NEMP2: variants seen among roughly 807,000 people sequenced by gnomAD.
NEMP2 encodes the protein UPF0571 transmembrane protein.
NEMP2 carries 53 observed loss-of-function variants against 54.2 expected under a neutral mutation model. The observed-to-expected ratio is 0.98, with a 90% CI of 0.78 to 1.23. The LOEUF (loss-of-function observed/expected upper bound fraction) is 1.23. NEMP2 is among the 50% of genes most tolerant of loss of function. The pLI, the probability that NEMP2 is intolerant of heterozygous loss-of-function variation, is 0.00. For missense variants in NEMP2, 455 were observed against 511.3 expected (o/e 0.89, Z 1.06); for synonymous variants, 197 against 190.3 (o/e 1.04, Z -0.29).
At chr2:190,582,177 A>C in the NEMP2 span, among the ~76,000 whole-genome samples, 1 of 152,188 alleles carries the variant, frequency 6.6e-6, no homozygotes, top group Non-Finnish European at 1.5e-5. This position sits in a 1 kb window ranked among gnomAD's most constrained non-coding sequence, Gnocchi z 4.6. Flanking sequence ...CCTCTGTTCT[A>C]CTTAGTCACT....
chr2:190,495,321 A>G, the NEMP2 span, among the ~76,000 whole-genome samples: 1 of 152,210 alleles, frequency 6.6e-6, no homozygotes, highest in Non-Finnish European at 1.5e-5. This position sits in a 1 kb window ranked among gnomAD's most constrained non-coding sequence, Gnocchi z 4.7. Flanking sequence ...AAGGAAAACT[A>G]CAAAACACTG....
intron 2 of NEMP2, among the ~76,000 whole-genome samples, chr2:190,524,159 G>A (rs1690850269): frequency 6.6e-6 from 1 of 152,062 alleles, no homozygotes; most frequent in South Asian, 2.1e-4. Flanking sequence ...TGAGGCTGCA[G>A]TGAACCAAGA....
chr2:190,573,429 T>C, the NEMP2 span, among the ~76,000 whole-genome samples: 131 of 152,276 alleles, frequency 8.6e-4, no homozygotes, highest in African/African-American at 3.0e-3. Context: ...GGTATATGTT[T>C]TAAAAGTCTG....
At chr2:190,574,761 T>TCCTTCCCTCCCTTCCCTCCTTCCCTC in the NEMP2 span, among the ~76,000 whole-genome samples, 1 of 140,516 alleles carries the variant, frequency 7.1e-6, no homozygotes, top group African/African-American at 2.7e-5. Context: ...TCTATTTCCT[T>TCCTTCCCTCCCTTCCCTCCTTCCCTC]CCTTCCCTCC....
the NEMP2 span, among the ~76,000 whole-genome samples, chr2:190,546,216 AT>A: frequency 2.1e-4 from 31 of 150,798 alleles, no homozygotes; most frequent in South Asian, 2.1e-4. This position sits in a 1 kb window ranked among gnomAD's most constrained non-coding sequence, Gnocchi z 5.1. Flanking sequence ...CAGACAGAAA[AT>A]TTTTTTTTTT....
rs1382101988 is a variant in NEMP2, at chr2:190,527,816, G to C, written c.98-2438C>G. On this transcript the variant is annotated intron_variant, in intron 1 of 8. Coordinates refer to ENST00000409150, the MANE Select transcript of NEMP2 (RefSeq NM_001142645.2). This position sits in a 1 kb window ranked among gnomAD's most constrained non-coding sequence, Gnocchi z 4.0. ...ATCATAGGAGCGTGAACCTTACTGT[G>C]AACTGAGCAACCTAGGGATCTAGGT... Among the ~76,000 whole-genome samples, 2 of 152,072 alleles carry C rather than the reference G, an allele frequency of 1.3e-5. No homozygotes were observed. Among genetic ancestry groups the C allele is most frequent in the Non-Finnish European group, 2.9e-5 (2 of 68,026 alleles).
At chr2:190,439,234 A>G in the NEMP2 span, among the ~76,000 whole-genome samples, 1 of 152,040 alleles carries the variant, frequency 6.6e-6, no homozygotes, top group Non-Finnish European at 1.5e-5. This position sits in a 1 kb window ranked among gnomAD's most constrained non-coding sequence, Gnocchi z 5.8. Flanking sequence ...ATTCCCAGAA[A>G]GGTACCCAGT....
chr2:190,557,753 C>T, the NEMP2 span, among the ~76,000 whole-genome samples: 1 of 152,120 alleles, frequency 6.6e-6, no homozygotes, highest in Non-Finnish European at 1.5e-5. Context: ...TAGAGAAATG[C>T]AAATCAAAAC....
the NEMP2 span, among the ~76,000 whole-genome samples, chr2:190,574,363 A>G: frequency 6.6e-6 from 1 of 152,200 alleles, no homozygotes. Context: ...TGGAAAAAAA[A>G]AAGTGTTTCA....
chr2:190,508,212 C>T lies in NEMP2; in HGVS notation c.*977G>A, dbSNP rs530414910. ...AAGTAATCATAGTATCTAATCCTTA[C>T]GTATGTATATAAAAATCTTACGTAT... On this transcript the variant is annotated 3_prime_UTR_variant, in exon 9 of 9. Coordinates refer to ENST00000409150, the MANE Select transcript of NEMP2 (RefSeq NM_001142645.2). The surrounding 1 kb of genome is among the most constrained non-coding windows in gnomAD (Gnocchi z 4.3). The T allele has an allele frequency of 6.6e-6, 1 of 152,278 alleles. No homozygotes were observed. The highest frequency in any genetic ancestry group is 2.1e-4 in the South Asian group (1 of 4,834). 9.4% of individuals were successfully genotyped at this position (152,278 alleles called of 1,614,324 possible).
the NEMP2 span, among the ~76,000 whole-genome samples, chr2:190,632,657 AC>A: frequency 0.01 from 1,524 of 152,292 alleles, 83 homozygotes; most frequent in East Asian, 0.17. This position sits in a 1 kb window ranked among gnomAD's most constrained non-coding sequence, Gnocchi z 4.8. Flanking sequence ...TTCATCAGGG[AC>A]CAACTTTGTT....
the NEMP2 span, among the ~76,000 whole-genome samples, chr2:190,449,908 A>G: frequency 6.6e-6 from 1 of 152,150 alleles, no homozygotes; most frequent in East Asian, 1.9e-4. Context: ...AGATATACCT[A>G]ATGCTAAATG....
chr2:190,572,833 GTATATATATATATATATATATATATA>G, the NEMP2 span, among the ~76,000 whole-genome samples: 36 of 47,868 alleles, frequency 7.5e-4, 1 homozygote, highest in Admixed American at 3.7e-3. Context: ...CTTTTCATGA[GTATATATATATATATATATATATATA>G]TATATATATA....
At chr2:190,558,231 C>CA in the NEMP2 span, among the ~76,000 whole-genome samples, 2 of 152,086 alleles carry the variant, frequency 1.3e-5, no homozygotes, top group South Asian at 4.1e-4. This position sits in a 1 kb window ranked among gnomAD's most constrained non-coding sequence, Gnocchi z 4.4. Flanking sequence ...AACAGAAAAC[C>CA]AAACACTGCA....
the NEMP2 span, among the ~76,000 whole-genome samples, chr2:190,547,931 A>G: frequency 6.6e-6 from 1 of 152,222 alleles, no homozygotes; most frequent in African/African-American, 2.4e-5. The surrounding 1 kb of genome is among the most constrained non-coding windows in gnomAD (Gnocchi z 6.2). Flanking sequence ...TAGGAATGGC[A>G]GAAAAAGAAA....
Position 190,519,288 on chromosome 2 carries a change from CT to C in NEMP2, c.214-106del. 2.6e-6 allele frequency: 2 copies of C among 765,282 alleles called. No homozygotes were observed. Among genetic ancestry groups the C allele is most frequent in the Non-Finnish European group, 4.2e-6 (2 of 477,004 alleles). The allele number at this position is 765,282 out of a possible 1,614,324, so 47.4% of individuals were successfully genotyped here. A position where few individuals can be genotyped will look rare whatever the true frequency, so the allele number is the denominator to read the frequency against. ...CCAGAATGGAGTGCAGTGGCAGGATCTCTGCTCACTGCAACCTGTGCCTCCA... is the reference window on the plus strand; with the variant it reads ...CCAGAATGGAGTGCAGTGGCAGGATCCTGCTCACTGCAACCTGTGCCTCCA... On this transcript the variant is annotated intron_variant, in intron 2 of 8. Transcript: ENST00000409150. The surrounding 1 kb of genome is among the most constrained non-coding windows in gnomAD (Gnocchi z 5.4).
chr2:190,534,604 C>A lies in NEMP2; in HGVS notation c.52G>T (p.Ala18Ser), dbSNP rs1691299198. 1 of 1,391,458 alleles carries A rather than the reference C, an allele frequency of 7.2e-7. No individual in the cohort carries two copies. The highest frequency in any genetic ancestry group is 1.6e-5 in the South Asian group (1 of 63,660). 86.2% of individuals were successfully genotyped at this position (1,391,458 alleles called of 1,614,324 possible). A position where few individuals can be genotyped will look rare whatever the true frequency, so the allele number is the denominator to read the frequency against. Residue 18 changes from alanine to serine, a missense_variant, in exon 1 of 9, where the codon GCC becomes TCC. Around this residue, in one of 3 missense-constraint regions of NEMP2, gnomAD observed 100 missense variants for 80.2 expected, o/e 1.25. Coordinates refer to ENST00000409150, the MANE Select transcript of NEMP2 (RefSeq NM_001142645.2). Reference sequence around the variant, plus strand: ...GCCTCCCCGCGCACGGGCAGTGTGGCCAGGGGCGGCAGCCAGAGCAGCAGC... The same window carrying A: ...GCCTCCCCGCGCACGGGCAGTGTGGACAGGGGCGGCAGCCAGAGCAGCAGC... ...WWLLLWLPPL[A>S]TLPVRGEAAA...
At chr2:190,648,276 C>T in the NEMP2 span, 1 of 152,274 alleles carries the variant, frequency 6.6e-6, no homozygotes, top group South Asian at 2.1e-4. Flanking sequence ...TCCATTCCTC[C>T]CTCCTCCTCC....
the NEMP2 span, among the ~76,000 whole-genome samples, chr2:190,572,862 T>TC: frequency 8.8e-3 from 1,176 of 133,526 alleles, 59 homozygotes; most frequent in African/African-American, 0.029. Context: ...TATATATATA[T>TC]ATATATATAT....
Sources: allele counts gnomAD v4.1 joint callset (sites outside exome capture counted in the v4.1 genomes callset), GRCh38; gene constraint gnomAD v4.1.1; regional missense constraint gnomAD v4.1.1; non-coding constraint Gnocchi (gnomAD v3.1); transcripts MANE v1.5; gene names NCBI Gene and HGNC (gene_info 2026-07-23, HGNC 2026-07-21).